MACF1: variants seen among roughly 807,000 people sequenced by gnomAD.
MACF1 encodes the protein microtubule actin crosslinking factor 1, also known as microtubule-actin cross-linking factor 1.
A neutral mutation model predicts 854.8 loss-of-function variants in MACF1; 193 were observed. That is an observed-to-expected ratio of 0.23 (90% CI 0.20 to 0.25). The LOEUF (loss-of-function observed/expected upper bound fraction) is 0.25, where lower values mean the gene tolerates loss of function less well. MACF1 is among the 10% of genes least tolerant of loss of function. The pLI is 1.00. For synonymous variants in MACF1, 3,185 were observed against 3,226.7 expected (o/e 0.99, Z 0.44); for missense variants, 7,722 against 8,929.1 (o/e 0.86, Z 5.45).
rs1367197910 is a variant in MACF1, at chr1:39,388,268, A to G, written c.15426A>G (p.Leu5142=). ...AATTGGCAGACCTGGATGATGAGCT[A>G]GATGGCATGGGTGCTATTGGCAGAG... ...FSQLADLDDE[L]DGMGAIGRDT... is the part of the protein sequence containing the mutation. The change falls in exon 58 of 101, where the codon CTA becomes CTG. Residue 5142 remains leucine, a synonymous_variant. Transcript: ENST00000564288. 6.2e-7 allele frequency: 1 copy of G among 1,614,100 alleles called. No individual in the cohort carries two copies. Among genetic ancestry groups the G allele is most frequent in the African/African-American group, 1.3e-5 (1 of 74,948 alleles).
chr1:39,454,260 G>A lies in MACF1; in HGVS notation c.20886+410G>A, dbSNP rs533059169. ...CATGGATAGAAAATACAGTATTCAC[G>A]GGAAGCGAAGCCCATGTGTGCAGAG... On this transcript the variant is annotated intron_variant, in intron 88 of 100. Transcript: ENST00000564288. Among the ~76,000 whole-genome samples, 88 of 152,292 alleles carry A rather than the reference G, an allele frequency of 5.8e-4. 1 individual carries two copies. The highest frequency in any genetic ancestry group is 2.1e-3 in the African/African-American group (87 of 41,564).
chr1:39,241,535 C>T (rs1241499033), intron 2 of MACF1, among the ~76,000 whole-genome samples: 1 of 151,738 alleles, frequency 6.6e-6, no homozygotes, highest in African/African-American at 2.4e-5. Context: ...TGATGCATGC[C>T]TGTAATACCA....
At chr1:39,258,147 T>A in intron 6 of MACF1, 119 bp downstream of exon 6, 2 of 820,652 alleles carry the variant, frequency 2.4e-6, no homozygotes, top group Non-Finnish European at 4.1e-6. Flanking sequence ...TGAACAAAGG[T>A]GGATGGGAGT....
chr1:39,407,343 A>G (rs1207407101), intron 58 of MACF1, among the ~76,000 whole-genome samples: 1 of 152,202 alleles, frequency 6.6e-6, no homozygotes, highest in African/African-American at 2.4e-5. Context: ...TAGGTCAGAC[A>G]TTATTGGGTC....
chr1:39,211,445 A>T (rs1644515190), intron 1 of MACF1, among the ~76,000 whole-genome samples: 1 of 152,136 alleles, frequency 6.6e-6, no homozygotes, highest in Admixed American at 6.5e-5. Flanking sequence ...AAAAAATTTC[A>T]TATATAGAGA....
intron 2 of MACF1, among the ~76,000 whole-genome samples, chr1:39,235,665 AG>A (rs1644852553): frequency 6.6e-6 from 1 of 152,174 alleles, no homozygotes; most frequent in African/African-American, 2.4e-5. Flanking sequence ...CCATTATAAT[AG>A]TTTCCTAATA....
At chr1:39,365,412 CAA>C (rs1648614887) in intron 49 of MACF1, among the ~76,000 whole-genome samples, 1 of 152,080 alleles carries the variant, frequency 6.6e-6, no homozygotes, top group South Asian at 2.1e-4. Flanking sequence ...ACATGACACT[CAA>C]GAGGTCATGC....
At chr1:39,414,696 A>C (rs1002242420) in intron 58 of MACF1, 4 of 680,338 alleles carry the variant, frequency 5.9e-6, no homozygotes, top group Non-Finnish European at 9.6e-6. Flanking sequence ...TTTTATTCAG[A>C]TAAGCCAATC....
intron 2 of MACF1, among the ~76,000 whole-genome samples, chr1:39,232,746 G>GTTTTTTTTTTTTTTTTTTT (rs10712180): frequency 1.4e-4 from 18 of 128,456 alleles, no homozygotes; most frequent in African/African-American, 1.7e-4. Context: ...TACTCTCTTT[G>GTTTTTTTTTTTTTTTTTTT]TTTTTTTTTT....
At chr1:39,095,252 T>C (rs1641906836) in intron 2 of MACF1, among the ~76,000 whole-genome samples, 1 of 152,058 alleles carries the variant, frequency 6.6e-6, no homozygotes, top group South Asian at 2.1e-4. Flanking sequence ...AGGGGTCTCA[T>C]GATTATAGTC....
At chr1:39,449,105 T>C (rs1334295570) in intron 84 of MACF1, among the ~76,000 whole-genome samples, 1 of 152,184 alleles carries the variant, frequency 6.6e-6, no homozygotes, top group African/African-American at 2.4e-5. Context: ...ATTACCTCAT[T>C]TAACCATAAT....
chr1:39,443,236 G>A (rs561130017), intron 78 of MACF1, among the ~76,000 whole-genome samples: 30 of 152,194 alleles, frequency 2.0e-4, no homozygotes, highest in African/African-American at 7.0e-4. Context: ...ATCGTATCAG[G>A]CATTTATAAT....
At chr1:39,229,324 A>G (rs1200513783) in intron 1 of MACF1, among the ~76,000 whole-genome samples, 1 of 152,232 alleles carries the variant, frequency 6.6e-6, no homozygotes. Flanking sequence ...AGAGACCAAG[A>G]TAAGAAAGTA....
rs774194503 is a variant in MACF1 at position 39,283,041 on chromosome 1, G to A, written c.696-148G>A. 1.3e-4 allele frequency: 78 copies of A among 596,906 alleles called. No homozygotes were observed. The highest frequency in any genetic ancestry group is 2.1e-5 in the Non-Finnish European group (7 of 335,768). 37.0% of individuals were successfully genotyped at this position (596,906 alleles called of 1,614,324 possible). ...GGGCCCCTGGTGTATACTTAAAAATGGAATTTGTACTCTTCTAAACCTCCT... is the reference window on the plus strand; with the variant it reads ...GGGCCCCTGGTGTATACTTAAAAATAGAATTTGTACTCTTCTAAACCTCCT... On this transcript the variant is annotated intron_variant, in intron 7 of 100. Coordinates refer to ENST00000564288, the MANE Select transcript of MACF1 (RefSeq NM_001394062.1). The surrounding 1 kb of genome is among the most constrained non-coding windows in gnomAD (Gnocchi z 4.5).
chr1:39,140,460 G>A (rs1372326834), intron 2 of MACF1, among the ~76,000 whole-genome samples: 1 of 152,114 alleles, frequency 6.6e-6, no homozygotes, highest in Non-Finnish European at 1.5e-5. Context: ...CGTATAATAA[G>A]GCTTCAATAA....
Position 39,447,693 on chromosome 1 carries a change from T to G in MACF1, c.19763T>G (p.Val6588Gly). The change falls in exon 82 of 101, where the codon GTT becomes GGT. Residue 6588 changes from valine (V) to glycine (G), a missense_variant and splice_region_variant. Around this residue, in one of 15 missense-constraint regions of MACF1, gnomAD observed 729 missense variants for 900.5 expected, o/e 0.81. Coordinates refer to ENST00000564288, the MANE Select transcript of MACF1 (RefSeq NM_001394062.1). ...TVLSQIEEHKVFANEVNAHRD... is the reference protein window; with the variant it reads ...TVLSQIEEHKGFANEVNAHRD... ...AAAAGAGCACTATTGTTCCCTCAGG[T>G]TTTTGCTAATGAAGTAAATGCTCAT... The G allele has an allele frequency of 6.2e-7, 1 of 1,614,172 alleles. No individual in the cohort carries two copies. Among genetic ancestry groups the G allele is most frequent in the Non-Finnish European group, 8.5e-7 (1 of 1,179,992 alleles).
chr1:39,391,149 GGTT>G (rs1433172136), intron 58 of MACF1, among the ~76,000 whole-genome samples: 1 of 150,950 alleles, frequency 6.6e-6, no homozygotes, highest in East Asian at 1.9e-4. Context: ...CATCTAACCA[GGTT>G]CTGGTTTATA....
intron 60 of MACF1, among the ~76,000 whole-genome samples, chr1:39,423,753 AT>A (rs1262941428): frequency 6.6e-6 from 1 of 151,866 alleles, no homozygotes; most frequent in Non-Finnish European, 1.5e-5. Flanking sequence ...AATGTTAACC[AT>A]TTTTTACGGC....
At chr1:39,309,827 G>A (rs1646262143) in intron 24 of MACF1, 131 bp downstream of exon 24, 9 of 913,058 alleles carry the variant, frequency 9.9e-6, no homozygotes, top group African/African-American at 3.3e-5. Context: ...CCATTTTAGA[G>A]TTCGAGACCT....
Sources: gnomAD v4.1 joint callset for allele counts (sites outside exome capture counted in the v4.1 genomes callset) on GRCh38, gnomAD v4.1.1 for gene constraint, gnomAD v4.1.1 regional missense constraint, Gnocchi (gnomAD v3.1) non-coding constraint, MANE v1.5 for transcripts, NCBI Gene and HGNC (gene_info 2026-07-23, HGNC 2026-07-21) for gene names.